The following CROCC variants were observed in gnomAD, a reference collection of about 807,000 sequenced individuals.
CROCC encodes the protein rootletin.
In CROCC, 180 loss-of-function variants were observed where a neutral mutation model predicts 245.2. That is an observed-to-expected ratio of 0.73 (90% CI 0.65 to 0.83). The LOEUF is 0.83. CROCC is among the 40% of genes least tolerant of loss of function. The probability of loss-of-function intolerance (pLI) is 0.00; values close to 1 mark genes in which losing one functional copy is unlikely to be tolerated. For synonymous variants in CROCC, 1,205 were observed against 1,241.6 expected (o/e 0.97, Z 0.62); for missense variants, 2,688 against 2,779.4 (o/e 0.97, Z 0.74).
At chr1:16,927,334 G>A (rs548265309) in intron 3 of CROCC, among the ~76,000 whole-genome samples, 21 of 152,324 alleles carry the variant, frequency 1.4e-4, no homozygotes, top group South Asian at 8.3e-4. Flanking sequence ...GGGTGCACAC[G>A]GACAGGAAAA....
At position 16,929,945 on chromosome 1, in the gene CROCC, G is replaced by A. The variant is rs1398250169; in HGVS notation, c.451G>A (p.Glu151Lys). 1.9e-6 allele frequency: 3 copies of A among 1,587,334 alleles called. No homozygotes were observed. The African/African-American group carries it at 4.0e-5, about 21-fold the overall frequency. The change falls in exon 4 of 37, where the codon GAG (glutamate) becomes AAG (lysine). Residue 151 changes from glutamate (E) to lysine (K), a missense_variant. Glu to Lys is a moderately conservative substitution (Grantham distance 56). Transcript: ENST00000375541. ...GGAGTTGCGGAGGCAGCTGCAGGAG[G>A]AGCAGGCCTCCTACCGGCGCAAGCT... is the stretch of plus-strand genomic sequence containing the variant. ...SVELRRQLQE[E>K]QASYRRKLQA...
rs1447201312 is a variant in CROCC at position 16,922,721 on chromosome 1, AG to A, written c.121del (p.Asp41ThrfsTer166). The A allele has an allele frequency of 1.2e-6, 2 of 1,613,898 alleles. No homozygotes were observed. Among genetic ancestry groups the A allele is most frequent in the Admixed American group, 3.3e-5 (2 of 60,014 alleles). Reference sequence around the variant, plus strand: ...GGCTTGGGCGCGCGGGACCTGGCCCAGGACGCTCAGATCACCAGCCTGCCTG... The same window carrying A: ...GGCTTGGGCGCGCGGGACCTGGCCCAGACGCTCAGATCACCAGCCTGCCTG... Reference protein sequence around the residue: ...EKGLGARDLAQDAQITSLPAL... With the variant: ...EKGLGARDLAXDAQITSLPAL... On this transcript the variant is annotated frameshift_variant, in exon 2 of 37. Coordinates refer to ENST00000375541, the MANE Select transcript of CROCC (RefSeq NM_014675.5). LOFTEE classifies it high-confidence loss of function.
intron 11 of CROCC, 78 bp from the exon 12 acceptor site, chr1:16,938,831 C>T (rs560146245): frequency 6.3e-4 from 875 of 1,386,908 alleles, no homozygotes; most frequent in South Asian, 3.5e-3. Flanking sequence ...CCCCCAGCCT[C>T]ACCTGGGCGT....
chr1:16,948,584 C>A (rs1407068931), intron 18 of CROCC, 60 bp downstream of exon 18: 25 of 1,476,280 alleles, frequency 1.7e-5, no homozygotes, highest in South Asian at 4.2e-5. Flanking sequence ...CACACCATGA[C>A]CAGCCACACG....
At chr1:16,933,965 G>A (rs2075734749) in intron 8 of CROCC, among the ~76,000 whole-genome samples, 1 of 152,264 alleles carries the variant, frequency 6.6e-6, no homozygotes, top group South Asian at 2.1e-4. Context: ...TCCTTATGGT[G>A]TCAATTAACA....
chr1:16,954,852 A>T lies in CROCC; in HGVS notation c.3440A>T (p.Lys1147Met). The T allele has an allele frequency of 6.5e-7, 1 of 1,542,422 alleles. No individual in the cohort carries two copies. The highest frequency in any genetic ancestry group is 1.7e-4 in the Middle Eastern group (1 of 5,954). ...RLQEQARDLGKQRDSCLREAE... is the reference protein window; with the variant it reads ...RLQEQARDLGMQRDSCLREAE... Reference sequence around the variant, plus strand: ...CAAGAGCAGGCCCGAGACCTGGGCAAGCAGCGGGACTCCTGTCTTCGCGAG... The same window carrying T: ...CAAGAGCAGGCCCGAGACCTGGGCATGCAGCGGGACTCCTGTCTTCGCGAG... Residue 1147 changes from lysine to methionine, a missense_variant, in exon 23 of 37, where the codon AAG (lysine) becomes ATG (methionine). Around this residue, in one of 9 missense-constraint regions of CROCC, gnomAD observed 1,218 missense variants for 1,286.3 expected, o/e 0.95. Transcript: ENST00000375541. The surrounding 1 kb of genome is among the most constrained non-coding windows in gnomAD (Gnocchi z 4.4).
intron 31 of CROCC, 34 bp downstream of exon 31, chr1:16,968,452 C>T (rs1358270817): frequency 1.4e-6 from 2 of 1,452,476 alleles, no homozygotes; most frequent in South Asian, 1.5e-5. Context: ...CCACAGTGTT[C>T]ACATGCCCTG....
intron 15 of CROCC, among the ~76,000 whole-genome samples, chr1:16,945,823 G>A (rs371329832): frequency 0.03 from 4,563 of 151,264 alleles, no homozygotes; most frequent in Middle Eastern, 0.052. Flanking sequence ...CTTTATGGCC[G>A]TATCCCTGCT....
chr1:16,966,646 T>C lies in CROCC; in HGVS notation c.4860+75T>C. 4 of 1,397,930 alleles carry C rather than the reference T, an allele frequency of 2.9e-6. No individual in the cohort carries two copies. In the South Asian group the frequency reaches 6.1e-5, roughly 21 times the overall value. The allele number at this position is 1,397,930 out of a possible 1,614,324, so 86.6% of individuals were successfully genotyped here. ...AGTGAGTGTCTAACTCTTATGTGTG[T>C]CTCCCTGTGTCTGTCTGCCTGAGTC... On this transcript the variant is annotated intron_variant, in intron 30 of 36. Transcript: ENST00000375541. The surrounding 1 kb of genome is among the most constrained non-coding windows in gnomAD (Gnocchi z 4.8).
At chr1:16,932,067 G>A (rs1223584485) in intron 8 of CROCC, among the ~76,000 whole-genome samples, 1 of 152,198 alleles carries the variant, frequency 6.6e-6, no homozygotes, top group African/African-American at 2.4e-5. Flanking sequence ...GCGCCAGGCC[G>A]AAGTTCCTGA....
intron 19 of CROCC, among the ~76,000 whole-genome samples, chr1:16,950,032 C>G (rs1402843541): frequency 6.6e-6 from 1 of 151,326 alleles, no homozygotes; most frequent in Non-Finnish European, 1.5e-5. Flanking sequence ...GCCTCCCAAA[C>G]TGCTGGGATT....
intron 7 of CROCC, 40 bp downstream of exon 7, chr1:16,930,634 G>A (rs755298377): frequency 7.6e-6 from 12 of 1,579,460 alleles, no homozygotes; most frequent in Non-Finnish European, 1.0e-5. Context: ...TGACCCAAGA[G>A]GAAGGGGCAC....
chr1:16,928,849 T>C (rs867118250), intron 3 of CROCC, among the ~76,000 whole-genome samples: 8 of 151,994 alleles, frequency 5.3e-5, no homozygotes, highest in African/African-American at 1.4e-4. Flanking sequence ...TAAATAAAGA[T>C]GGAGTCTTGC....
Position 16,966,351 on chromosome 1 carries a change from G to A in CROCC, c.4697-57G>A. On this transcript the variant is annotated intron_variant, in intron 29 of 36. Coordinates refer to ENST00000375541, the MANE Select transcript of CROCC (RefSeq NM_014675.5). The surrounding 1 kb of genome is among the most constrained non-coding windows in gnomAD (Gnocchi z 4.8). ...GTGCAGGCTGGACATTTTGTGACCT[G>A]GTTTGGGTCTCGGGGCTGTGCTTGG... 6.8e-7 allele frequency: 1 copy of A among 1,474,378 alleles called. No individual in the cohort carries two copies. Among genetic ancestry groups the A allele is most frequent in the Non-Finnish European group, 9.0e-7 (1 of 1,111,390 alleles). The allele number at this position is 1,474,378 out of a possible 1,614,324, so 91.3% of individuals were successfully genotyped here. A position where few individuals can be genotyped will look rare whatever the true frequency, so the allele number is the denominator to read the frequency against.
Position 16,948,484 on chromosome 1 carries a change from C to T in CROCC, c.2668C>T (p.Arg890Cys), listed in dbSNP as rs370831887. 107 of 1,553,490 alleles carry T rather than the reference C, an allele frequency of 6.9e-5. No homozygotes were observed. The highest frequency in any genetic ancestry group is 4.2e-4 in the Middle Eastern group (2 of 4,800). The change falls in exon 18 of 37, where the codon CGT becomes TGT. Residue 890 changes from arginine (R) to cysteine (C), a missense_variant. Arg to Cys is a radical substitution (Grantham distance 180). Transcript: ENST00000375541. Reference protein sequence around the residue: ...GLAVQLVAAEREGRTLSEEAT... With the variant: ...GLAVQLVAAECEGRTLSEEAT... ...GGCTGTGCAGCTGGTGGCTGCGGAG[C>T]GTGAAGGCAGGACCCTGTCAGAGGA...
intron 27 of CROCC, among the ~76,000 whole-genome samples, chr1:16,963,629 C>CCTG (rs1231643397): frequency 2.0e-5 from 3 of 152,124 alleles, no homozygotes; most frequent in African/African-American, 7.2e-5. Flanking sequence ...GGACCCGTGT[C>CCTG]CTGCAGTTCC....
intron 12 of CROCC, 28 bp from the exon 13 acceptor site, chr1:16,939,866 C>G: frequency 1.4e-5 from 22 of 1,610,180 alleles, no homozygotes; most frequent in Non-Finnish European, 1.8e-5. Context: ...TCAGGCCCCC[C>G]CAGACTCTGT....
Position 16,922,025 on chromosome 1 carries a change from T to C in CROCC, c.7T>C (p.Leu3=). Reference sequence around the variant, plus strand: ...TGCCCACAGCCTCCCCCCCATGAGCTTGGGGCTGGCGGGGGCACAGGAGGT... The same window carrying C: ...TGCCCACAGCCTCCCCCCCATGAGCCTGGGGCTGGCGGGGGCACAGGAGGT... The part of the protein sequence containing the change: MS[L]GLAGAQEVEL... The change falls in exon 1 of 37, where the codon TTG becomes CTG. Residue 3 remains leucine, a synonymous_variant. Coordinates refer to ENST00000375541, the MANE Select transcript of CROCC (RefSeq NM_014675.5). The C allele has an allele frequency of 6.4e-7, 1 of 1,551,560 alleles. No homozygotes were observed. The highest frequency in any genetic ancestry group is 8.7e-7 in the Non-Finnish European group (1 of 1,147,076).
intron 27 of CROCC, among the ~76,000 whole-genome samples, chr1:16,963,795 T>C (rs1322110213): frequency 6.6e-6 from 1 of 151,640 alleles, no homozygotes; most frequent in African/African-American, 2.4e-5. Context: ...ACCAAATCAC[T>C]TTGTTTTTGT....
Sources: allele counts gnomAD v4.1 joint callset (sites outside exome capture counted in the v4.1 genomes callset), GRCh38; gene constraint gnomAD v4.1.1; regional missense constraint gnomAD v4.1.1; non-coding constraint Gnocchi (gnomAD v3.1); transcripts MANE v1.5; gene names NCBI Gene and HGNC (gene_info 2026-07-23, HGNC 2026-07-21).